Variants in SUFU observed in about 807,000 individuals in gnomAD.
The protein encoded by SUFU is SUFU negative regulator of hedgehog signaling.
Under a neutral mutation model 58.9 loss-of-function variants are expected in SUFU, and 7 were observed. The ratio of observed to expected loss-of-function variants is 0.12; its 90% CI spans 0.07 to 0.22. The LOEUF is 0.22. SUFU is among the 10% of genes least tolerant of loss of function. The probability of loss-of-function intolerance (pLI) is 1.00; values close to 1 mark genes in which losing one functional copy is unlikely to be tolerated. For synonymous variants in SUFU, 232 were observed against 254.8 expected (o/e 0.91, Z 0.85); for missense variants, 451 against 641.3 (o/e 0.70, Z 3.20).
chr10:102,589,926 A>G (rs1027410206), intron 3 of SUFU, among the ~76,000 whole-genome samples: 2 of 151,376 alleles, frequency 1.3e-5, no homozygotes, highest in African/African-American at 4.9e-5. Context: ...AATGTCCTTT[A>G]TCAAGATGAG....
intron 3 of SUFU, among the ~76,000 whole-genome samples, chr10:102,582,175 C>G (rs974281704): frequency 6.6e-6 from 1 of 152,192 alleles, no homozygotes; most frequent in Non-Finnish European, 1.5e-5. Flanking sequence ...CATTAGTCCC[C>G]GCTCCACAGA....
chr10:102,549,824 C>A, intron 2 of SUFU, 146 bp from the exon 3 acceptor site: 1 of 1,043,766 alleles, frequency 9.6e-7, no homozygotes, highest in Non-Finnish European at 1.4e-6. Flanking sequence ...GTTCCCTCCC[C>A]ACAAGGCTCA....
intron 3 of SUFU, among the ~76,000 whole-genome samples, chr10:102,556,043 G>A (rs1287932955): frequency 5.3e-5 from 8 of 152,232 alleles, no homozygotes; most frequent in Admixed American, 5.2e-4. Context: ...AATCAAGCAA[G>A]TGAACTGTTT....
In SUFU at chr10:102,572,494, A is replaced by G. The variant is rs190594967; in HGVS notation, c.455-20088A>G. Among the ~76,000 whole-genome samples the G allele has an allele frequency of 3.5e-3, 520 of 150,606 alleles. 3 individuals are homozygous for G. The highest frequency in any genetic ancestry group is 0.012 in the African/African-American group (499 of 40,914). On this transcript the variant is annotated intron_variant, in intron 3 of 11. Transcript: ENST00000369902. ...AACCTCTGCCACCCGGGTTCAAGCAATTCTCCTGCCCCAGCCTCCTGAGTA... is the reference window on the plus strand; with the variant it reads ...AACCTCTGCCACCCGGGTTCAAGCAGTTCTCCTGCCCCAGCCTCCTGAGTA...
At chr10:102,540,555 G>A (rs2062786341) in intron 2 of SUFU, among the ~76,000 whole-genome samples, 3 of 152,002 alleles carry the variant, frequency 2.0e-5, no homozygotes, top group Non-Finnish European at 1.5e-5. Context: ...GGAGGCTGAG[G>A]CAGGAGAATC....
intron 2 of SUFU, among the ~76,000 whole-genome samples, chr10:102,527,566 A>C (rs958315250): frequency 6.6e-6 from 1 of 152,058 alleles, no homozygotes; most frequent in Non-Finnish European, 1.5e-5. Flanking sequence ...ATTTGAATCT[A>C]CTTTGATAGT....
At chr10:102,605,103 C>A (rs1390056307) in intron 8 of SUFU, among the ~76,000 whole-genome samples, 4 of 151,768 alleles carry the variant, frequency 2.6e-5, no homozygotes, top group Non-Finnish European at 5.9e-5. Flanking sequence ...ATTTTTAGTA[C>A]AGATGGGTTT....
intron 10 of SUFU, among the ~76,000 whole-genome samples, chr10:102,626,874 C>G (rs2063791131): frequency 6.6e-6 from 1 of 151,912 alleles, no homozygotes; most frequent in African/African-American, 2.4e-5. Context: ...TTTTACCGGC[C>G]CCACCAGTGT....
chr10:102,627,072 T>C, intron 10 of SUFU, 103 bp from the exon 11 acceptor site: 4 of 1,251,330 alleles, frequency 3.2e-6, no homozygotes, highest in Non-Finnish European at 4.7e-6. Context: ...CACAGTGAGC[T>C]CATCTCTCCT....
At chr10:102,511,096 G>A (rs1407990616) in intron 2 of SUFU, among the ~76,000 whole-genome samples, 2 of 149,776 alleles carry the variant, frequency 1.3e-5, no homozygotes, top group East Asian at 3.9e-4. Flanking sequence ...ACTCCAGCCT[G>A]GGCAACAAGA....
intron 8 of SUFU, among the ~76,000 whole-genome samples, chr10:102,605,615 T>C (rs1198889330): frequency 6.6e-6 from 1 of 152,240 alleles, no homozygotes; most frequent in Non-Finnish European, 1.5e-5. Context: ...AACCAGGTTA[T>C]ACAGCCTTGT....
chr10:102,627,145 A>G (rs2063793172), intron 10 of SUFU, 30 bp from the exon 11 acceptor site: 1 of 1,611,976 alleles, frequency 6.2e-7, no homozygotes. Flanking sequence ...TTTAAAAATA[A>G]TAATAAAAGC....
At chr10:102,609,029 A>G (rs761038034) in intron 8 of SUFU, among the ~76,000 whole-genome samples, 25 of 152,218 alleles carry the variant, frequency 1.6e-4, no homozygotes, top group Non-Finnish European at 3.2e-4. Flanking sequence ...GAAACCCCGG[A>G]AGAAAAGACC....
At chr10:102,513,769 T>C (rs2062430571) in intron 2 of SUFU, among the ~76,000 whole-genome samples, 1 of 152,260 alleles carries the variant, frequency 6.6e-6, no homozygotes, top group Non-Finnish European at 1.5e-5. Context: ...TGAAAAACCT[T>C]CTAGCTCAGT....
chr10:102,547,829 G>T (rs548744032), intron 2 of SUFU, among the ~76,000 whole-genome samples: 90 of 152,058 alleles, frequency 5.9e-4, no homozygotes, highest in African/African-American at 2.0e-3. Flanking sequence ...AGAGAGGCGG[G>T]GGGGAGAGAG....
chr10:102,554,562 C>G (rs2062954040), intron 3 of SUFU, among the ~76,000 whole-genome samples: 1 of 152,356 alleles, frequency 6.6e-6, no homozygotes, highest in East Asian at 1.9e-4. Context: ...TTACCGTCTC[C>G]TGACTTCCAA....
At chr10:102,555,092 C>T (rs1459542593) in intron 3 of SUFU, among the ~76,000 whole-genome samples, 3 of 151,980 alleles carry the variant, frequency 2.0e-5, no homozygotes, top group African/African-American at 7.2e-5. Context: ...CACAGTGAAA[C>T]CCCGTCTCTA....
intron 2 of SUFU, among the ~76,000 whole-genome samples, chr10:102,546,724 G>GT (rs1235086233): frequency 6.6e-6 from 1 of 152,258 alleles, no homozygotes; most frequent in Non-Finnish European, 1.5e-5. Context: ...CAGGTCGTGT[G>GT]TTTATCCTGA....
chr10:102,619,415 G>C lies in SUFU; in HGVS notation c.1296+1987G>C. ...AACCGGGGCGCGGTGGGAACGAGCTGCTGGCCTCGGCATGTTTCAATAAAG... is the reference window on the plus strand; with the variant it reads ...AACCGGGGCGCGGTGGGAACGAGCTCCTGGCCTCGGCATGTTTCAATAAAG... On this transcript the variant is annotated intron_variant, in intron 10 of 11. Coordinates refer to ENST00000369902, the MANE Select transcript of SUFU (RefSeq NM_016169.4). The surrounding 1 kb of genome is among the most constrained non-coding windows in gnomAD (Gnocchi z 4.2). 7.4e-7 allele frequency: 1 copy of C among 1,351,574 alleles called. No individual in the cohort carries two copies. The highest frequency in any genetic ancestry group is 1.7e-5 in the South Asian group (1 of 59,660). 83.7% of individuals were successfully genotyped at this position (1,351,574 alleles called of 1,614,324 possible). A position where few individuals can be genotyped will look rare whatever the true frequency, so the allele number is the denominator to read the frequency against.
Sources: gnomAD v4.1 joint callset for allele counts (sites outside exome capture counted in the v4.1 genomes callset) on GRCh38, gnomAD v4.1.1 for gene constraint, Gnocchi (gnomAD v3.1) non-coding constraint, MANE v1.5 for transcripts, NCBI Gene and HGNC (gene_info 2026-07-23, HGNC 2026-07-21) for gene names.